Variants in YEATS2 observed in about 807,000 individuals in gnomAD.
The protein encoded by YEATS2 is YEATS domain-containing protein 2.
Under a neutral mutation model 163.2 loss-of-function variants are expected in YEATS2, and 77 were observed. That is an observed-to-expected ratio of 0.47 (90% confidence interval 0.39 to 0.57). The LOEUF is 0.57. Among genes scored for constraint, YEATS2 ranks in the 20% least tolerant of loss-of-function variants. YEATS2 has a pLI of 0.00. For missense variants in YEATS2, 1,549 were observed against 1,729.8 expected (o/e 0.90, Z 1.85); for synonymous variants, 631 against 645.1 (o/e 0.98, Z 0.33).
At chr3:183,714,534 TTG>T (rs991460873) in intron 1 of YEATS2, among the ~76,000 whole-genome samples, 1 of 152,032 alleles carries the variant, frequency 6.6e-6, no homozygotes, top group African/African-American at 2.4e-5. Flanking sequence ...ATTCAAAGAC[TTG>T]TGTATGTGGG....
intron 15 of YEATS2, among the ~76,000 whole-genome samples, chr3:183,763,432 A>C (rs997809770): frequency 1.3e-5 from 2 of 152,226 alleles, no homozygotes; most frequent in South Asian, 4.1e-4. Context: ...TCATTGACTA[A>C]AACATCGTTA....
At position 183,810,702 on chromosome 3, in the gene YEATS2, A is replaced by G. The variant is rs1726724195; in HGVS notation, c.*119A>G. The stretch of plus-strand genomic sequence containing the variant: ...TGACTCGGCATGTCATGGCTACCCA[A>G]CCTTTGCCGCTGCCTGTTCCCACGT... On this transcript the variant is annotated 3_prime_UTR_variant, in exon 31 of 31. Coordinates refer to ENST00000305135, the MANE Select transcript of YEATS2 (RefSeq NM_018023.5). 3.5e-6 allele frequency: 3 copies of G among 861,312 alleles called. No homozygotes were observed. Among genetic ancestry groups the G allele is most frequent in the Middle Eastern group, 2.5e-4 (1 of 3,986 alleles). The allele number at this position is 861,312 out of a possible 1,614,324, so 53.4% of individuals were successfully genotyped here. A position where few individuals can be genotyped will look rare whatever the true frequency, so the allele number is the denominator to read the frequency against.
chr3:183,770,795 T>C (rs532126094), intron 15 of YEATS2, among the ~76,000 whole-genome samples: 169 of 152,352 alleles, frequency 1.1e-3, no homozygotes, highest in Non-Finnish European at 5.3e-4. Context: ...CGCTTTCTTA[T>C]TTTTCCAGTC....
intron 1 of YEATS2, among the ~76,000 whole-genome samples, chr3:183,712,500 C>T (rs1560221075): frequency 2.6e-5 from 4 of 152,052 alleles, no homozygotes; most frequent in African/African-American, 7.2e-5. Flanking sequence ...CGTGAGTTAC[C>T]GCAGCCAGCC....
At chr3:183,747,231 T>TGTATAGC (rs1473151246) in intron 8 of YEATS2, among the ~76,000 whole-genome samples, 3 of 152,204 alleles carry the variant, frequency 2.0e-5, no homozygotes, top group African/African-American at 7.2e-5. Flanking sequence ...ATTTAAAATA[T>TGTATAGC]GTATAGCCTG....
chr3:183,736,393 A>G (rs1032767486), intron 7 of YEATS2, among the ~76,000 whole-genome samples: 3 of 152,204 alleles, frequency 2.0e-5, no homozygotes, highest in Non-Finnish European at 4.4e-5. Flanking sequence ...TCAAATGCCA[A>G]TTAAAGATCC....
At chr3:183,741,708 G>A (rs1718985855) in intron 8 of YEATS2, among the ~76,000 whole-genome samples, 1 of 151,970 alleles carries the variant, frequency 6.6e-6, no homozygotes, top group Admixed American at 6.6e-5. Flanking sequence ...CTTGAACCCA[G>A]GAGGCGAAGT....
At chr3:183,715,010 A>G (rs1715687521) in intron 1 of YEATS2, 134 bp from the exon 2 acceptor site, 2 of 543,802 alleles carry the variant, frequency 3.7e-6, no homozygotes, top group South Asian at 6.2e-5. Flanking sequence ...ACTTGCAAGT[A>G]CCAGTATTAA....
intron 1 of YEATS2, among the ~76,000 whole-genome samples, chr3:183,713,232 T>C (rs181141490): frequency 1.9e-4 from 29 of 152,366 alleles, no homozygotes; most frequent in African/African-American, 3.6e-4. Context: ...GTAAAATATA[T>C]TGTTAAAATT....
chr3:183,761,612 A>G lies in YEATS2; in HGVS notation c.1762A>G (p.Lys588Glu). The change falls in exon 14 of 31, where the codon AAA (lysine) becomes GAA (glutamate). Residue 588 changes from lysine to glutamate, a missense_variant and splice_region_variant. By Grantham distance (56) the Lys-to-Glu change is moderately conservative. Coordinates refer to ENST00000305135, the MANE Select transcript of YEATS2 (RefSeq NM_018023.5). ...AACAGGAGGACTTGGAGCTTTCACA[A>G]AAGTGAGTATGTATTAGGGCATTGT... ...PITGGLGAFT[K>E]VIIKQEPGEA... 2.5e-6 allele frequency: 4 copies of G among 1,613,566 alleles called. No homozygotes were observed. The highest frequency in any genetic ancestry group is 3.4e-6 in the Non-Finnish European group (4 of 1,179,468).
intron 5 of YEATS2, among the ~76,000 whole-genome samples, 196 bp downstream of exon 5, chr3:183,722,332 A>C (rs1260926555): frequency 8.2e-6 from 1 of 121,722 alleles, no homozygotes; most frequent in East Asian, 2.2e-4. Flanking sequence ...TCTGTTGCCC[A>C]GGCTGGAGTG....
At chr3:183,797,827 A>T in intron 21 of YEATS2, 96 bp from the exon 22 acceptor site, 2 of 1,509,242 alleles carry the variant, frequency 1.3e-6, no homozygotes, top group Non-Finnish European at 1.8e-6. Flanking sequence ...TGTCCTGGGA[A>T]CTTCCTCCAT....
At chr3:183,719,315 TTAC>T (rs1391725590) in intron 4 of YEATS2, among the ~76,000 whole-genome samples, 1 of 152,054 alleles carries the variant, frequency 6.6e-6, no homozygotes, top group Non-Finnish European at 1.5e-5. Flanking sequence ...TTTTTGTACT[TTAC>T]TAGAGACGGG....
At chr3:183,712,054 A>G (rs1317413848) in intron 1 of YEATS2, among the ~76,000 whole-genome samples, 4 of 151,554 alleles carry the variant, frequency 2.6e-5, no homozygotes, top group Admixed American at 2.0e-4. Flanking sequence ...TCCTGACCTC[A>G]TGATCCGCCT....
At chr3:183,798,165 T>A (rs1004839709) in intron 22 of YEATS2, 114 bp downstream of exon 22, 11 of 1,464,090 alleles carry the variant, frequency 7.5e-6, no homozygotes, top group Non-Finnish European at 1.0e-5. Context: ...GTCACGGTAT[T>A]CCCAGCGCCT....
At chr3:183,715,424 G>A (rs914418623) in intron 2 of YEATS2, among the ~76,000 whole-genome samples, 162 bp downstream of exon 2, 3 of 152,278 alleles carry the variant, frequency 2.0e-5, no homozygotes. Context: ...TACACCATGT[G>A]TGCTGTAAAA....
intron 1 of YEATS2, among the ~76,000 whole-genome samples, chr3:183,702,833 C>CA (rs202062121): frequency 0.031 from 4,389 of 140,240 alleles, 158 homozygotes; most frequent in East Asian, 0.15. Context: ...CTCTCTCTCT[C>CA]AAAAAAAAAA....
chr3:183,719,430 C>A (rs1381059590), intron 4 of YEATS2, among the ~76,000 whole-genome samples: 1 of 152,210 alleles, frequency 6.6e-6, no homozygotes, highest in Non-Finnish European at 1.5e-5. Context: ...AGCCACCGGG[C>A]CCAGCCTTTC....
chr3:183,790,645 G>A, intron 20 of YEATS2, 152 bp from the exon 21 acceptor site: 4 of 786,476 alleles, frequency 5.1e-6, no homozygotes, highest in Non-Finnish European at 7.7e-6. Flanking sequence ...AACTAGAGAA[G>A]TAATCTTTTT....
Sources: allele counts gnomAD v4.1 joint callset (sites outside exome capture counted in the v4.1 genomes callset), GRCh38; gene constraint gnomAD v4.1.1; transcripts MANE v1.5; gene names NCBI Gene and HGNC (gene_info 2026-07-23, HGNC 2026-07-21).